Variants in KCNMB4 observed in about 807,000 individuals in gnomAD.
KCNMB4 encodes the protein potassium calcium-activated channel subfamily M regulatory beta subunit 4, also known as calcium-activated potassium channel subunit beta-4.
Under a neutral mutation model 20.7 loss-of-function variants are expected in KCNMB4, and 3 were observed. That is an observed-to-expected ratio of 0.14 (90% CI 0.07 to 0.37). KCNMB4 has a LOEUF of 0.37. KCNMB4 is among the 10% of genes least tolerant of loss of function. The pLI is 1.00. For missense variants in KCNMB4, 168 were observed against 265.9 expected (o/e 0.63, Z 2.56); for synonymous variants, 110 against 113.4 (o/e 0.97, Z 0.19).
chr12:70,371,877 A>G (rs1883602653), intron 1 of KCNMB4, among the ~76,000 whole-genome samples: 1 of 152,232 alleles, frequency 6.6e-6, no homozygotes, highest in South Asian at 2.1e-4. Context: ...CAAGAAATAA[A>G]TGTATAATGC....
At chr12:70,373,300 C>T (rs1468683961) in intron 1 of KCNMB4, among the ~76,000 whole-genome samples, 3 of 152,106 alleles carry the variant, frequency 2.0e-5, no homozygotes, top group Non-Finnish European at 4.4e-5. Flanking sequence ...AGGAGATTAT[C>T]CTGAGTTATC....
chr12:70,413,814 A>T (rs138422674), intron 2 of KCNMB4, among the ~76,000 whole-genome samples: 1 of 152,364 alleles, frequency 6.6e-6, no homozygotes, highest in East Asian at 1.9e-4. Context: ...CAAGAAATTA[A>T]TCCTGGGAAA....
chr12:70,410,808 A>AAAGG (rs1211898975), intron 2 of KCNMB4, among the ~76,000 whole-genome samples: 1 of 152,212 alleles, frequency 6.6e-6, no homozygotes, highest in Non-Finnish European at 1.5e-5. Context: ...AACACAAAAA[A>AAAGG]AAGGAAGAAA....
intron 1 of KCNMB4, among the ~76,000 whole-genome samples, chr12:70,391,771 A>G (rs1565858678): frequency 2.0e-5 from 3 of 152,180 alleles, no homozygotes; most frequent in Admixed American, 1.3e-4. Flanking sequence ...CTCGAGAGAG[A>G]TGCAAGCAGG....
intron 1 of KCNMB4, among the ~76,000 whole-genome samples, chr12:70,376,151 TAA>T (rs72152386): frequency 0.4 from 57,227 of 142,364 alleles, 12,467 homozygotes; most frequent in African/African-American, 0.61. Context: ...CCTTTCATGA[TAA>T]AAAAAAAAAA....
Position 70,392,131 on chromosome 12 carries a change from A to G in KCNMB4, c.337-8078A>G, listed in dbSNP as rs534622981. ...CACACATTGAATTTGTGTACCTTAC[A>G]GTACACAATATAGCTACAAATAATG... On this transcript the variant is annotated intron_variant, in intron 1 of 2. Transcript: ENST00000258111. Among the ~76,000 whole-genome samples, 5 of 152,306 alleles carry G rather than the reference A, an allele frequency of 3.3e-5. No individual in the cohort carries two copies. In the South Asian group the frequency reaches 1.0e-3, roughly 32 times the overall value.
chr12:70,402,654 C>CAA (rs34956547), intron 2 of KCNMB4, among the ~76,000 whole-genome samples: 13,689 of 74,764 alleles, frequency 0.18, 1,908 homozygotes, highest in East Asian at 0.41. Context: ...GACCCTGCCT[C>CAA]AAAAAAAAAA....
At chr12:70,418,148 T>A (rs555274195) in intron 2 of KCNMB4, among the ~76,000 whole-genome samples, 13 of 152,260 alleles carry the variant, frequency 8.5e-5, no homozygotes, top group Non-Finnish European at 1.3e-4. Context: ...ACCCACCTCA[T>A]TTCCTTGAGA....
intron 2 of KCNMB4, among the ~76,000 whole-genome samples, chr12:70,412,438 CACTT>C (rs1413034154): frequency 6.6e-6 from 1 of 152,180 alleles, no homozygotes; most frequent in Non-Finnish European, 1.5e-5. Context: ...TGACAGACAA[CACTT>C]ACATGCTTAG....
intron 1 of KCNMB4, among the ~76,000 whole-genome samples, chr12:70,385,172 TGTTA>T (rs1868248118): frequency 6.6e-6 from 1 of 152,202 alleles, no homozygotes; most frequent in Non-Finnish European, 1.5e-5. Context: ...ACTTCAGAAT[TGTTA>T]GTTCAACAAA....
chr12:70,406,621 T>G (rs1565862703), intron 2 of KCNMB4, among the ~76,000 whole-genome samples: 1 of 152,112 alleles, frequency 6.6e-6, no homozygotes, highest in Non-Finnish European at 1.5e-5. Flanking sequence ...GGAACTGGTT[T>G]CAGAACGTTC....
At position 70,432,023 on chromosome 12, in the gene KCNMB4, CT is replaced by C. The variant is rs1869378857; in HGVS notation, c.*1376del. The C allele has an allele frequency of 1.5e-5, 2 of 135,932 alleles. No homozygotes were observed. The highest frequency in any genetic ancestry group is 5.4e-5 in the African/African-American group (2 of 36,718). The allele number at this position is 135,932 out of a possible 1,614,324, so 8.4% of individuals were successfully genotyped here. A position where few individuals can be genotyped will look rare whatever the true frequency, so the allele number is the denominator to read the frequency against. Reference sequence around the variant, plus strand: ...CCTTTAGTCCACATACCAATGTTTTCTTTTTTCTTTTTTTTTTTTTTTTTTG... The same window carrying C: ...CCTTTAGTCCACATACCAATGTTTTCTTTTTCTTTTTTTTTTTTTTTTTTG... On this transcript the variant is annotated 3_prime_UTR_variant, in exon 3 of 3. Coordinates refer to ENST00000258111, the MANE Select transcript of KCNMB4 (RefSeq NM_014505.6).
At chr12:70,369,478 G>A (rs985917061) in intron 1 of KCNMB4, among the ~76,000 whole-genome samples, 3 of 152,160 alleles carry the variant, frequency 2.0e-5, no homozygotes, top group African/African-American at 7.2e-5. Context: ...GAAGGCCTAT[G>A]CTTCCCCTCT....
intron 2 of KCNMB4, among the ~76,000 whole-genome samples, chr12:70,410,639 C>G (rs532915989): frequency 6.6e-6 from 1 of 152,316 alleles, no homozygotes; most frequent in East Asian, 1.9e-4. Context: ...CACATTTGCA[C>G]CATAGCTAAT....
chr12:70,392,395 A>G (rs1054738472), intron 1 of KCNMB4, among the ~76,000 whole-genome samples: 1 of 152,196 alleles, frequency 6.6e-6, no homozygotes, highest in Admixed American at 6.5e-5. Flanking sequence ...CATTAGTTCA[A>G]CCATTGTGGA....
At chr12:70,396,133 A>G (rs561798543) in intron 1 of KCNMB4, among the ~76,000 whole-genome samples, 1 of 152,262 alleles carries the variant, frequency 6.6e-6, no homozygotes, top group East Asian at 1.9e-4. Flanking sequence ...TAAAAATACT[A>G]CACTGGTGCT....
intron 1 of KCNMB4, among the ~76,000 whole-genome samples, chr12:70,387,446 A>G (rs1868267332): frequency 7.2e-6 from 1 of 139,114 alleles, no homozygotes. Context: ...CTTGTTGCCC[A>G]GGCTAGAGTG....
chr12:70,427,659 A>G lies in KCNMB4; in HGVS notation c.465-2826A>G, dbSNP rs188114505. Among the ~76,000 whole-genome samples, 5 of 152,330 alleles carry G rather than the reference A, an allele frequency of 3.3e-5. No individual in the cohort carries two copies. In the East Asian group the frequency reaches 9.7e-4, roughly 29 times the overall value. ...GTGGAATGCCAAGAAGTTTCTGAAT[A>G]AAACAAATATCTGGGTCCAGCATTT... is the stretch of plus-strand genomic sequence containing the variant. On this transcript the variant is annotated intron_variant, in intron 2 of 2. Transcript: ENST00000258111.
chr12:70,431,146 T>C lies in KCNMB4; in HGVS notation c.*493T>C, dbSNP rs1213800193. The C allele has an allele frequency of 6.6e-6, 1 of 152,200 alleles. No homozygotes were observed. The highest frequency in any genetic ancestry group is 1.5e-5 in the Non-Finnish European group (1 of 68,082). The allele number at this position is 152,200 out of a possible 1,614,324, so 9.4% of individuals were successfully genotyped here. A position where few individuals can be genotyped will look rare whatever the true frequency, so the allele number is the denominator to read the frequency against. On this transcript the variant is annotated 3_prime_UTR_variant, in exon 3 of 3. Coordinates refer to ENST00000258111, the MANE Select transcript of KCNMB4 (RefSeq NM_014505.6). ...TTGACAACAAGGATTCCTGCTGAAG[T>C]CTGAACCTTACTGTGTAACCCTCAG...
Sources: gnomAD v4.1 joint callset for allele counts (sites outside exome capture counted in the v4.1 genomes callset) on GRCh38, gnomAD v4.1.1 for gene constraint, MANE v1.5 for transcripts, NCBI Gene and HGNC (gene_info 2026-07-23, HGNC 2026-07-21) for gene names.